Variants in KIF13A observed in about 807,000 individuals in gnomAD.
KIF13A encodes the protein kinesin-like protein KIF13A.
In KIF13A, 79 loss-of-function variants were observed where a neutral mutation model predicts 212.2. The ratio of observed to expected loss-of-function variants is 0.37; its 90% CI spans 0.31 to 0.45. KIF13A has a LOEUF of 0.45. Ranked by LOEUF, KIF13A falls within the 20% of genes least tolerant of loss-of-function variation. KIF13A has a pLI of 1.00. For missense variants in KIF13A, 1,901 were observed against 2,209.0 expected (o/e 0.86, Z 2.79); for synonymous variants, 789 against 808.6 (o/e 0.98, Z 0.41).
rs1759237785 is a variant in KIF13A at position 17,768,715 on chromosome 6, C to A, written c.4581+2399G>T. 6.6e-6 allele frequency among the ~76,000 whole-genome samples: 1 copy of A among 152,212 alleles called. No individual in the cohort carries two copies. Among genetic ancestry groups the A allele is most frequent in the South Asian group, 2.1e-4 (1 of 4,828 alleles). Reference sequence around the variant, plus strand: ...GAGCAAGTTGCTCAACAATTCTAACCCTTTGCTTCTTCTTCTGTAAACCAG... The same window carrying A: ...GAGCAAGTTGCTCAACAATTCTAACACTTTGCTTCTTCTTCTGTAAACCAG... On this transcript the variant is annotated intron_variant, in intron 38 of 38. Transcript: ENST00000259711. This position sits in a 1 kb window ranked among gnomAD's most constrained non-coding sequence, Gnocchi z 5.4.
chr6:17,978,711 C>A (rs1780804777), intron 2 of KIF13A, among the ~76,000 whole-genome samples: 2 of 152,130 alleles, frequency 1.3e-5, no homozygotes, highest in South Asian at 4.1e-4. Flanking sequence ...CTGATATCTG[C>A]AGAATGTTTA....
At chr6:17,859,638 ATT>A (rs1176958380) in intron 4 of KIF13A, among the ~76,000 whole-genome samples, 23,662 of 111,320 alleles carry the variant, frequency 0.21, 2,609 homozygotes, top group South Asian at 0.28. Flanking sequence ...ATATATATAT[ATT>A]TTTTTTTTTT....
At chr6:17,822,959 T>C (rs1764595944) in intron 16 of KIF13A, among the ~76,000 whole-genome samples, 1 of 152,154 alleles carries the variant, frequency 6.6e-6, no homozygotes, top group Non-Finnish European at 1.5e-5. Flanking sequence ...AACACTCTAC[T>C]CTTACTGTTT....
chr6:17,842,706 G>A lies in KIF13A; in HGVS notation c.831-5123C>T, dbSNP rs375695258. Among the ~76,000 whole-genome samples the A allele has an allele frequency of 2.7e-5, 4 of 150,398 alleles. No individual in the cohort carries two copies. In the East Asian group the frequency reaches 8.3e-4, roughly 31 times the overall value. On this transcript the variant is annotated intron_variant, in intron 9 of 38. Coordinates refer to ENST00000259711, the MANE Select transcript of KIF13A (RefSeq NM_022113.6). ...ATGACATTTATAAAAGGACAGTCAT[G>A]TTTTAAGATAGAATTTTTTTTAAAA...
chr6:17,974,610 GT>G (rs1780117852), intron 2 of KIF13A, among the ~76,000 whole-genome samples: 1 of 152,006 alleles, frequency 6.6e-6, no homozygotes, highest in Non-Finnish European at 1.5e-5. Context: ...AGACCACTAA[GT>G]TTTAGAGTAG....
intron 4 of KIF13A, among the ~76,000 whole-genome samples, chr6:17,864,589 C>G (rs1165189208): frequency 6.6e-6 from 1 of 152,190 alleles, no homozygotes; most frequent in Admixed American, 6.5e-5. Flanking sequence ...CCTCGAGGTT[C>G]AAGGAATCCT....
intron 2 of KIF13A, among the ~76,000 whole-genome samples, chr6:17,962,620 G>A (rs919533915): frequency 6.6e-6 from 1 of 152,132 alleles, no homozygotes; most frequent in African/African-American, 2.4e-5. Flanking sequence ...TGCTGGTGTG[G>A]GGGCTGTGTG....
chr6:17,860,753 C>A (rs1768688214), intron 4 of KIF13A, among the ~76,000 whole-genome samples: 1 of 151,494 alleles, frequency 6.6e-6, no homozygotes, highest in Non-Finnish European at 1.5e-5. Context: ...ATTCTTTGAA[C>A]TTAAAAATAA....
Position 17,837,405 on chromosome 6 carries a change from C to T in KIF13A, c.942+67G>A, listed in dbSNP as rs552871436. The T allele has an allele frequency of 1.1e-4, 115 of 1,067,612 alleles. No individual in the cohort carries two copies. Among genetic ancestry groups the T allele is most frequent in the African/African-American group, 1.0e-3 (66 of 63,892 alleles). 66.1% of individuals were successfully genotyped at this position (1,067,612 alleles called of 1,614,324 possible). The stretch of plus-strand genomic sequence containing the variant: ...AGGTATTTGGTTAGCTTTGTACACA[C>T]CTTTACTCTGTCACATCTGGAATAG... On this transcript the variant is annotated intron_variant, in intron 10 of 38. Transcript: ENST00000259711. This position sits in a 1 kb window ranked among gnomAD's most constrained non-coding sequence, Gnocchi z 5.4.
intron 2 of KIF13A, among the ~76,000 whole-genome samples, chr6:17,985,671 G>A (rs939306371): frequency 6.8e-6 from 1 of 146,922 alleles, no homozygotes; most frequent in African/African-American, 2.6e-5. Context: ...GGTGATATGG[G>A]CATCTAATTT....
Position 17,972,046 on chromosome 6 carries a change from T to C in KIF13A, c.146+15008A>G, listed in dbSNP as rs535248026. 9.9e-5 allele frequency among the ~76,000 whole-genome samples: 15 copies of C among 152,280 alleles called. No homozygotes were observed. In the East Asian group the frequency reaches 2.9e-3, roughly 29 times the overall value. On this transcript the variant is annotated intron_variant, in intron 2 of 38. Coordinates refer to ENST00000259711, the MANE Select transcript of KIF13A (RefSeq NM_022113.6). The stretch of plus-strand genomic sequence containing the variant: ...AATACTATTCCATCAAAGCCAACAA[T>C]ACTTCAAGGCTTCAAAAAACTTAAA...
intron 3 of KIF13A, among the ~76,000 whole-genome samples, chr6:17,884,838 A>G (rs1472369415): frequency 2.6e-5 from 4 of 152,198 alleles, no homozygotes; most frequent in African/African-American, 7.2e-5. Context: ...ACTGAGCCCC[A>G]GAGCTCTCTG....
chr6:17,821,211 C>T (rs1444425027), intron 16 of KIF13A, among the ~76,000 whole-genome samples: 10 of 152,106 alleles, frequency 6.6e-5, no homozygotes, highest in African/African-American at 2.4e-4. Context: ...AGAGATGATT[C>T]TTATTTTGTC....
At chr6:17,846,355 A>G (rs62394131) in intron 9 of KIF13A, among the ~76,000 whole-genome samples, 27,693 of 151,892 alleles carry the variant, frequency 0.18, 2,921 homozygotes, top group Admixed American at 0.32. Flanking sequence ...AATACATGTT[A>G]TGAGACTCTC....
In KIF13A at chr6:17,856,021, A is replaced by G; in HGVS notation, c.313+9T>C. 1 of 1,595,426 alleles carries G rather than the reference A, an allele frequency of 6.3e-7. No homozygotes were observed. Among genetic ancestry groups the G allele is most frequent in the Non-Finnish European group, 8.6e-7 (1 of 1,164,330 alleles). ...CCCCCACATCTGGTCTATAAAAGCA[A>G]CTTCTTACCTGTCTGTCCATATGCA... On this transcript the variant is annotated intron_variant, in intron 5 of 38. Transcript: ENST00000259711. The surrounding 1 kb of genome is among the most constrained non-coding windows in gnomAD (Gnocchi z 4.5).
At chr6:17,975,893 G>A (rs1780384443) in intron 2 of KIF13A, among the ~76,000 whole-genome samples, 3 of 151,868 alleles carry the variant, frequency 2.0e-5, no homozygotes, top group Non-Finnish European at 2.9e-5. Context: ...ACAGAGTGCC[G>A]ATTGGTGTAT....
At chr6:17,863,890 T>C (rs530572764) in intron 4 of KIF13A, among the ~76,000 whole-genome samples, 14 of 152,302 alleles carry the variant, frequency 9.2e-5, no homozygotes, top group Admixed American at 2.6e-4. Flanking sequence ...GCCAACTGCT[T>C]TTTGAACCTC....
chr6:17,953,621 T>C (rs531916301), intron 2 of KIF13A: 1 of 153,238 alleles, frequency 6.5e-6, no homozygotes, highest in Non-Finnish European at 1.5e-5. Flanking sequence ...AATACTGCTT[T>C]ACATGAGGAT....
At chr6:17,945,462 A>G (rs1271839892) in intron 2 of KIF13A, among the ~76,000 whole-genome samples, 3 of 152,136 alleles carry the variant, frequency 2.0e-5, no homozygotes, top group East Asian at 3.9e-4. Flanking sequence ...ATACATACAG[A>G]AAAAAATGCA....
Sources: gnomAD v4.1 joint callset for allele counts (sites outside exome capture counted in the v4.1 genomes callset) on GRCh38, gnomAD v4.1.1 for gene constraint, Gnocchi (gnomAD v3.1) non-coding constraint, MANE v1.5 for transcripts, NCBI Gene and HGNC (gene_info 2026-07-23, HGNC 2026-07-21) for gene names.